Variants in ZNF616 observed in about 807,000 individuals in gnomAD.
The protein encoded by ZNF616 is zinc finger protein 616.
ZNF616 carries 5 observed loss-of-function variants against 7.6 expected under a neutral mutation model. The observed-to-expected ratio is 0.66, with a 90% CI of 0.34 to 1.38. The LOEUF (loss-of-function observed/expected upper bound fraction) is 1.38, where lower values mean the gene tolerates loss of function less well. Ranked by LOEUF, ZNF616 falls within the 40% of genes most tolerant of loss-of-function variation. ZNF616 has a pLI of 0.04. For missense variants in ZNF616, 913 were observed against 948.3 expected (o/e 0.96, Z 0.49); for synonymous variants, 319 against 317.2 (o/e 1.01, Z -0.06).
intron 2 of ZNF616, 134 bp from the exon 3 acceptor site, chr19:52,124,183 T>C: frequency 8.8e-7 from 1 of 1,131,066 alleles, no homozygotes; most frequent in Non-Finnish European, 1.2e-6. Context: ...AGAAAGTTAT[T>C]GGTCCCTAAT....
chr19:52,115,943 TTTC>T lies in ZNF616; in HGVS notation c.1218_1220del (p.Lys407del). 1 of 1,614,168 alleles carries T rather than the reference TTTC, an allele frequency of 6.2e-7. No individual in the cohort carries two copies. ...TGCCACATTCATTGCATTTGCAAGGTTTCTCTACAGTGTGAATTCGTCGATGCA... is the reference window on the plus strand; with the variant it reads ...TGCCACATTCATTGCATTTGCAAGGTTCTACAGTGTGAATTCGTCGATGCA... On this transcript the variant is annotated inframe_deletion, in exon 4 of 4. Transcript: ENST00000600228.
At position 52,129,927 on chromosome 19, in the gene ZNF616, C is replaced by T. The variant is rs541280906; in HGVS notation, c.12+574G>A. Among the ~76,000 whole-genome samples the T allele has an allele frequency of 3.3e-5, 5 of 152,092 alleles. No individual in the cohort carries two copies. The South Asian group carries it at 1.0e-3, about 32-fold the overall frequency. On this transcript the variant is annotated intron_variant, in intron 2 of 3. Transcript: ENST00000600228. ...CCTCCTGAGTAGCTGGGATTACAGG[C>T]CCCTGCCACCATGACTGGCTAATTT... is the stretch of plus-strand genomic sequence containing the variant.
At chr19:52,131,439 A>C (rs2122167549) in intron 1 of ZNF616, among the ~76,000 whole-genome samples, 1 of 152,320 alleles carries the variant, frequency 6.6e-6, no homozygotes, top group African/African-American at 2.4e-5. Context: ...AGGGGGCAAG[A>C]CTACCACAGC....
chr19:52,124,038 T>A lies in ZNF616; in HGVS notation c.24A>T (p.Thr8=). The stretch of plus-strand genomic sequence containing the variant: ...AGAATTCTATGGCTACATCCTTGAA[T>A]GTCAAATGCCCCTGAAATGAAAAAC... MATQGHL[T]FKDVAIEFSQ... Residue 8 remains threonine, a synonymous_variant, in exon 3 of 4, where the codon ACA becomes ACT. Coordinates refer to ENST00000600228, the MANE Select transcript of ZNF616 (RefSeq NM_178523.5). The A allele has an allele frequency of 1.9e-6, 3 of 1,603,238 alleles. No homozygotes were observed. The highest frequency in any genetic ancestry group is 2.5e-6 in the Non-Finnish European group (3 of 1,177,388).
In ZNF616 at chr19:52,114,536, A is replaced by G. The variant is rs563030505; in HGVS notation, c.*282T>C. On this transcript the variant is annotated 3_prime_UTR_variant, in exon 4 of 4. Transcript: ENST00000600228. ...GGTGGAAGGCAAAGCGGGTGTCGGT[A>G]TTTCACATGGTGAGAATGAGGGCAA... 3 of 301,810 alleles carry G rather than the reference A, an allele frequency of 9.9e-6. No homozygotes were observed. The East Asian group carries it at 1.7e-4, about 17-fold the overall frequency. The allele number at this position is 301,810 out of a possible 1,614,324, so 18.7% of individuals were successfully genotyped here.
intron 1 of ZNF616, among the ~76,000 whole-genome samples, chr19:52,138,161 A>C (rs144693067): frequency 4.6e-5 from 7 of 152,272 alleles, no homozygotes; most frequent in Non-Finnish European, 8.8e-5. Flanking sequence ...AAAACAAACA[A>C]AAAACCAAAG....
intron 3 of ZNF616, among the ~76,000 whole-genome samples, chr19:52,120,616 G>GA (rs1568559567): frequency 1.3e-5 from 2 of 152,106 alleles, no homozygotes; most frequent in Non-Finnish European, 2.9e-5. Context: ...TTGAAAGGGT[G>GA]AAAAAAGATA....
At chr19:52,129,548 G>A (rs1378733832) in intron 2 of ZNF616, among the ~76,000 whole-genome samples, 5 of 151,988 alleles carry the variant, frequency 3.3e-5, no homozygotes, top group East Asian at 1.9e-4. Context: ...AAGAGTCCCC[G>A]CAGGAACACC....
At chr19:52,138,608 T>C (rs532476764) in intron 1 of ZNF616, 1 of 152,270 alleles carries the variant, frequency 6.6e-6, no homozygotes, top group East Asian at 1.9e-4. Flanking sequence ...GCTTCGAAAT[T>C]TATTTCACCT....
chr19:52,130,321 G>A (rs1457241482), intron 2 of ZNF616, among the ~76,000 whole-genome samples, 180 bp downstream of exon 2: 1 of 152,078 alleles, frequency 6.6e-6, no homozygotes, highest in African/African-American at 2.4e-5. Flanking sequence ...ATGGTGAGAT[G>A]GAATCTAAAT....
chr19:52,136,157 G>T (rs2089005839), intron 1 of ZNF616, among the ~76,000 whole-genome samples: 1 of 145,846 alleles, frequency 6.9e-6, no homozygotes, highest in Non-Finnish European at 1.5e-5. Flanking sequence ...GGGGGGGACA[G>T]GGGGCAAAGG....
In ZNF616 at chr19:52,116,646, C is replaced by A; in HGVS notation, c.518G>T (p.Gly173Val). The change falls in exon 4 of 4, where the codon GGT (glycine) becomes GTT (valine). Residue 173 changes from glycine to valine, a missense_variant. Coordinates refer to ENST00000600228, the MANE Select transcript of ZNF616 (RefSeq NM_178523.5). ...CCTAATGTGTGGAGAAACTAAACAA[C>A]CATTATTACCTGTCTTCTCCGTTTC... ...CNETEKTGNN[G>V]CLVSPHIREK... 1 of 1,614,126 alleles carries A rather than the reference C, an allele frequency of 6.2e-7. No individual in the cohort carries two copies. The highest frequency in any genetic ancestry group is 8.5e-7 in the Non-Finnish European group (1 of 1,180,012).
chr19:52,132,616 C>G (rs1211505859), intron 1 of ZNF616, among the ~76,000 whole-genome samples: 2 of 152,138 alleles, frequency 1.3e-5, no homozygotes, highest in African/African-American at 4.8e-5. Flanking sequence ...AGCGCCTCCC[C>G]CCTCACTCTC....
chr19:52,130,548 G>A lies in ZNF616; in HGVS notation c.-36C>T. 1 of 1,597,982 alleles carries A rather than the reference G, an allele frequency of 6.3e-7. No individual in the cohort carries two copies. On this transcript the variant is annotated 5_prime_UTR_variant, in exon 2 of 4. Transcript: ENST00000600228. Reference sequence around the variant, plus strand: ...TTTTCCTTCCTCTTCTTCCTCTTCTGGGTTTCTTTCTCAGTCAATGTAATT... The same window carrying A: ...TTTTCCTTCCTCTTCTTCCTCTTCTAGGTTTCTTTCTCAGTCAATGTAATT...
chr19:52,133,113 G>C (rs964720345), intron 1 of ZNF616, among the ~76,000 whole-genome samples: 1 of 152,206 alleles, frequency 6.6e-6, no homozygotes, highest in Non-Finnish European at 1.5e-5. Flanking sequence ...TGGAATGGTG[G>C]ATATGCAAGT....
At chr19:52,119,267 C>T (rs111880447) in intron 3 of ZNF616, among the ~76,000 whole-genome samples, 2,783 of 151,632 alleles carry the variant, frequency 0.018, 94 homozygotes, top group African/African-American at 0.064. Context: ...ATCCCAGCTA[C>T]GTGGGAGGCT....
In ZNF616 at chr19:52,116,671, C is replaced by T. The variant is rs1185275600; in HGVS notation, c.493G>A (p.Glu165Lys). The T allele has an allele frequency of 6.2e-7, 1 of 1,614,044 alleles. No individual in the cohort carries two copies. The highest frequency in any genetic ancestry group is 1.3e-5 in the African/African-American group (1 of 74,930). The change falls in exon 4 of 4, where the codon GAA becomes AAA. Residue 165 changes from glutamate (E) to lysine (K), a missense_variant. Coordinates refer to ENST00000600228, the MANE Select transcript of ZNF616 (RefSeq NM_178523.5). The stretch of plus-strand genomic sequence containing the variant: ...CCATTATTACCTGTCTTCTCCGTTT[C>T]ATTACATTCATAAAGTCTCCCTTCA... ...QTEGRLYECNETEKTGNNGCL... is the reference protein window; with the variant it reads ...QTEGRLYECNKTEKTGNNGCL...
At position 52,114,570 on chromosome 19, in the gene ZNF616, G is replaced by C. The variant is rs2088797359; in HGVS notation, c.*248C>G. Reference sequence around the variant, plus strand: ...GGTGAGAATGAGGGCAAGCGACAGGGAAGTGCTATGCACTTCTAAACAGCC... The same window carrying C: ...GGTGAGAATGAGGGCAAGCGACAGGCAAGTGCTATGCACTTCTAAACAGCC... On this transcript the variant is annotated 3_prime_UTR_variant, in exon 4 of 4. Coordinates refer to ENST00000600228, the MANE Select transcript of ZNF616 (RefSeq NM_178523.5). The C allele has an allele frequency of 5.0e-6, 2 of 402,498 alleles. No individual in the cohort carries two copies. The highest frequency in any genetic ancestry group is 4.4e-6 in the Non-Finnish European group (1 of 226,624). 24.9% of individuals were successfully genotyped at this position (402,498 alleles called of 1,614,324 possible).
chr19:52,138,687 C>T (rs1349580525), intron 1 of ZNF616: 1 of 152,426 alleles, frequency 6.6e-6, no homozygotes, highest in Non-Finnish European at 1.5e-5. Flanking sequence ...TCTTTTCCCC[C>T]ATCTGAGCTC....
Sources: gnomAD v4.1 joint callset for allele counts (sites outside exome capture counted in the v4.1 genomes callset) on GRCh38, gnomAD v4.1.1 for gene constraint, MANE v1.5 for transcripts, NCBI Gene and HGNC (gene_info 2026-07-23, HGNC 2026-07-21) for gene names.